The following ZNF540 variants were observed in gnomAD, a reference collection of about 807,000 sequenced individuals.
ZNF540 encodes zinc finger protein 540, also known as CTD-3064H18.6.
ZNF540 carries 3 observed loss-of-function variants against 11.8 expected under a neutral mutation model. The ratio of observed to expected loss-of-function variants is 0.25; its 90% CI spans 0.12 to 0.65. ZNF540 has a LOEUF of 0.65. ZNF540 is among the 30% of genes least tolerant of loss of function. The probability of loss-of-function intolerance (pLI) is 0.83; values close to 1 mark genes in which losing one functional copy is unlikely to be tolerated. For synonymous variants in ZNF540, 247 were observed against 259.0 expected (o/e 0.95, Z 0.45); for missense variants, 709 against 793.1 (o/e 0.89, Z 1.27).
At chr19:37,582,386 T>C (rs2043501849) in intron 1 of ZNF540, among the ~76,000 whole-genome samples, 1 of 152,220 alleles carries the variant, frequency 6.6e-6, no homozygotes, top group African/African-American at 2.4e-5. Context: ...ATACACTGCA[T>C]TCCCTCTTCC....
At chr19:37,578,127 C>T (rs1260378348) in intron 1 of ZNF540, among the ~76,000 whole-genome samples, 1 of 152,128 alleles carries the variant, frequency 6.6e-6, no homozygotes, top group African/African-American at 2.4e-5. Flanking sequence ...AGTTTCATCC[C>T]CAAACCAGTC....
chr19:37,577,781 G>A (rs1280029608), intron 1 of ZNF540, among the ~76,000 whole-genome samples: 5 of 152,186 alleles, frequency 3.3e-5, no homozygotes, highest in Admixed American at 6.5e-5. Context: ...ACTCAAGATG[G>A]CTGACTAGAA....
At chr19:37,595,530 G>A (rs923796432) in intron 1 of ZNF540, 1 of 152,170 alleles carries the variant, frequency 6.6e-6, no homozygotes, top group Non-Finnish European at 1.5e-5. Flanking sequence ...TTGAGAGTTC[G>A]CCTGTGGCAG....
At chr19:37,597,032 T>C (rs771149717) in intron 1 of ZNF540, among the ~76,000 whole-genome samples, 1 of 151,628 alleles carries the variant, frequency 6.6e-6, no homozygotes, top group Non-Finnish European at 1.5e-5. Flanking sequence ...GATTCAGAAC[T>C]CAGATGTCTT....
At chr19:37,565,959 G>C (rs947381583) in intron 1 of ZNF540, 3 of 1,613,702 alleles carry the variant, frequency 1.9e-6, no homozygotes, top group Non-Finnish European at 2.5e-6. Flanking sequence ...TTTTCCTCAT[G>C]TTGAATAAGG....
intron 1 of ZNF540, among the ~76,000 whole-genome samples, chr19:37,572,108 A>G (rs2043080833): frequency 6.6e-6 from 1 of 152,208 alleles, no homozygotes; most frequent in Non-Finnish European, 1.5e-5. Flanking sequence ...CACATGAGAA[A>G]ATACTCTCAT....
chr19:37,560,089 C>G (rs903043014), intron 1 of ZNF540, among the ~76,000 whole-genome samples: 2 of 151,940 alleles, frequency 1.3e-5, no homozygotes, highest in African/African-American at 2.4e-5. Context: ...CCAGCCTGGC[C>G]AACATGGCAA....
chr19:37,555,611 A>G, intron 1 of ZNF540: 1 of 390,428 alleles, frequency 2.6e-6, no homozygotes. Flanking sequence ...ATCTTTTATG[A>G]CTAAGAATGG....
At chr19:37,567,204 T>C (rs975432536) in intron 1 of ZNF540, among the ~76,000 whole-genome samples, 3 of 152,358 alleles carry the variant, frequency 2.0e-5, no homozygotes, top group Non-Finnish European at 2.9e-5. Context: ...AGTTTGACTA[T>C]TGTCTGTCTG....
chr19:37,569,488 A>G lies in ZNF540; in HGVS notation c.-73+17823A>G, dbSNP rs1270575600. 6.6e-6 allele frequency among the ~76,000 whole-genome samples: 1 copy of G among 152,216 alleles called. No homozygotes were observed. The highest frequency in any genetic ancestry group is 1.5e-5 in the Non-Finnish European group (1 of 68,044). On this transcript the variant is annotated intron_variant, in intron 1 of 4. Coordinates refer to the ZNF540 transcript ENST00000592533. This position sits in a 1 kb window ranked among gnomAD's most constrained non-coding sequence, Gnocchi z 4.4. ...TAGTAAGAAATACATATTATGACTGAGTACACACACTCAAACATAAAACAA... is the reference window on the plus strand; with the variant it reads ...TAGTAAGAAATACATATTATGACTGGGTACACACACTCAAACATAAAACAA...
intron 4 of ZNF540, among the ~76,000 whole-genome samples, chr19:37,609,650 C>T (rs983950208): frequency 2.0e-5 from 3 of 152,050 alleles, no homozygotes; most frequent in Non-Finnish European, 2.9e-5. Flanking sequence ...GAGTTTGAGA[C>T]CAGCCTGGCC....
intron 4 of ZNF540, among the ~76,000 whole-genome samples, chr19:37,606,217 T>C (rs533082597): frequency 6.6e-6 from 1 of 152,380 alleles, no homozygotes; most frequent in South Asian, 2.1e-4. Flanking sequence ...TAGCATAATG[T>C]TCTGGAGGTC....
intron 1 of ZNF540, among the ~76,000 whole-genome samples, chr19:37,577,643 TAGTG>T (rs1457378064): frequency 6.6e-6 from 1 of 152,022 alleles, no homozygotes; most frequent in Non-Finnish European, 1.5e-5. Context: ...TGTAGCAAAA[TAGTG>T]AGAAGATCCA....
At chr19:37,570,318 G>A (rs1027677399) in intron 1 of ZNF540, among the ~76,000 whole-genome samples, 1 of 152,092 alleles carries the variant, frequency 6.6e-6, no homozygotes, top group African/African-American at 2.4e-5. Context: ...CCCCGCCTGT[G>A]ATTATTTTCT....
At chr19:37,591,947 T>A (rs1258764125), upstream of ZNF540, among the ~76,000 whole-genome samples, 1 of 152,118 alleles carries the variant, frequency 6.6e-6, no homozygotes, top group Non-Finnish European at 1.5e-5. Flanking sequence ...AATTTTTTTT[T>A]AATCACCATA....
intron 1 of ZNF540, chr19:37,584,217 C>T: frequency 7.0e-7 from 1 of 1,434,484 alleles, no homozygotes. Context: ...AAATTGGTTG[C>T]CTAAACAGTA....
chr19:37,612,246 A>G lies in ZNF540; in HGVS notation c.966A>G (p.Thr322=), dbSNP rs879062154. 6.2e-7 allele frequency: 1 copy of G among 1,613,782 alleles called. No individual in the cohort carries two copies. Among genetic ancestry groups the G allele is most frequent in the Non-Finnish European group, 8.5e-7 (1 of 1,179,964 alleles). The part of the protein sequence containing the change: ...FYFKEHERIH[T]GKKPYECKEC... The stretch of plus-strand genomic sequence containing the variant: ...TTAAAGAACATGAGAGAATTCATAC[A>G]GGTAAGAAACCCTATGAATGTAAGG... Residue 322 remains threonine, a synonymous_variant, in exon 5 of 5, where the codon ACA becomes ACG. Transcript: ENST00000316433.
intron 1 of ZNF540, chr19:37,564,724 A>G: frequency 1.9e-6 from 3 of 1,613,616 alleles, no homozygotes; most frequent in Non-Finnish European, 2.5e-6. Context: ...CTGAGCCACG[A>G]CTAAAGGCCC....
At chr19:37,591,146 T>C (rs955680585), upstream of ZNF540, among the ~76,000 whole-genome samples, 2 of 152,242 alleles carry the variant, frequency 1.3e-5, no homozygotes, top group Non-Finnish European at 2.9e-5. Flanking sequence ...GACAGCCTTA[T>C]GGCAATGAGA....
Sources: allele counts gnomAD v4.1 joint callset (sites outside exome capture counted in the v4.1 genomes callset), GRCh38; gene constraint gnomAD v4.1.1; non-coding constraint Gnocchi (gnomAD v3.1); transcripts MANE v1.5; gene names NCBI Gene and HGNC (gene_info 2026-07-23, HGNC 2026-07-21).